The following CAMK2B variants were observed in gnomAD, a reference collection of about 807,000 sequenced individuals.
The protein encoded by CAMK2B is calcium/calmodulin dependent protein kinase II beta, also known as calcium/calmodulin-dependent protein kinase type II subunit beta.
A neutral mutation model predicts 93.7 loss-of-function variants in CAMK2B; 27 were observed. That is an observed-to-expected ratio of 0.29 (90% confidence interval 0.21 to 0.40). CAMK2B has a LOEUF of 0.40. CAMK2B is among the 10% of genes least tolerant of loss of function. The pLI, the probability that CAMK2B is intolerant of heterozygous loss-of-function variation, is 1.00. For synonymous variants in CAMK2B, 374 were observed against 358.8 expected (o/e 1.04, Z -0.48); for missense variants, 568 against 895.8 (o/e 0.63, Z 4.67).
At chr7:44,231,086 T>A in intron 16 of CAMK2B, 32 bp from the exon 17 acceptor site, 1 of 1,466,118 alleles carries the variant, frequency 6.8e-7, no homozygotes, top group Non-Finnish European at 9.1e-7. Context: ...CGGGTCAGGA[T>A]GCGGCCAAGG....
At chr7:44,275,099 C>T (rs906229613) in intron 2 of CAMK2B, among the ~76,000 whole-genome samples, 6 of 152,216 alleles carry the variant, frequency 3.9e-5, no homozygotes, top group African/African-American at 7.2e-5. Context: ...TGCGGAAGGA[C>T]GCAAAGGGGT....
At position 44,300,020 on chromosome 7, in the gene CAMK2B, C is replaced by CTGTGTCTGTGTGTG. The variant is rs71011968; in HGVS notation, c.66-15796_66-15795insCACACACAGACACA. Among the ~76,000 whole-genome samples the CTGTGTCTGTGTGTG allele has an allele frequency of 1.6e-3, 224 of 141,698 alleles. 1 individual carries two copies. Among genetic ancestry groups the CTGTGTCTGTGTGTG allele is most frequent in the South Asian group, 4.0e-3 (17 of 4,292 alleles). The allele number at this position is 141,698 out of a possible 152,430, so 93.0% of individuals were successfully genotyped here. On this transcript the variant is annotated intron_variant, in intron 1 of 23. Coordinates refer to ENST00000395749, the MANE Select transcript of CAMK2B (RefSeq NM_001220.5). Reference sequence around the variant, plus strand: ...TATATGTATGTATATGTGTATGTGTCTGTGTGTGTGTGTGTGTGTGTGTGT... The same window carrying CTGTGTCTGTGTGTG: ...TATATGTATGTATATGTGTATGTGTCTGTGTCTGTGTGTGTGTGTGTGTGTGTGTGTGTGTGTGT...
At chr7:44,260,274 C>T (rs2096868997) in intron 3 of CAMK2B, among the ~76,000 whole-genome samples, 1 of 152,240 alleles carries the variant, frequency 6.6e-6, no homozygotes, top group African/African-American at 2.4e-5. Flanking sequence ...CCTCCTCTGG[C>T]TCTGGTTCTC....
Position 44,240,718 on chromosome 7 carries a change from C to T in CAMK2B, c.935G>A (p.Arg312Gln). The T allele has an allele frequency of 1.2e-6, 2 of 1,613,958 alleles. No homozygotes were observed. Among genetic ancestry groups the T allele is most frequent in the African/African-American group, 1.3e-5 (1 of 75,052 alleles). ...GAILTTMLAT[R>Q]NFSVGRQTTA... ...GAAGAAAGGCTCACCTGAGAAATTC[C>T]GTGTGGCCAGCATGGTGGTGAGGAT... The change falls in exon 12 of 24, where the codon CGG (arginine) becomes CAG (glutamine). Residue 312 changes from arginine (R) to glutamine (Q), a missense_variant. Arg to Gln is a conservative substitution (Grantham distance 43). Coordinates refer to ENST00000395749, the MANE Select transcript of CAMK2B (RefSeq NM_001220.5).
chr7:44,223,672 A>C (rs1194626311), intron 20 of CAMK2B, among the ~76,000 whole-genome samples: 1 of 126,838 alleles, frequency 7.9e-6, no homozygotes, highest in Non-Finnish European at 1.6e-5. Context: ...TCATGCCTCC[A>C]CTTTCACCTG....
chr7:44,228,124 T>C (rs540172818), intron 19 of CAMK2B, among the ~76,000 whole-genome samples: 163 of 151,830 alleles, frequency 1.1e-3, no homozygotes, highest in African/African-American at 3.7e-3. Context: ...CAAGAAGCTG[T>C]CAGGTAAGTG....
Position 44,247,209 on chromosome 7 carries a change from G to T in CAMK2B, c.342-17C>A. On this transcript the variant is annotated splice_polypyrimidine_tract_variant and intron_variant, in intron 5 of 23. Transcript: ENST00000395749. ...ATACAGTGACTGTGGCAAACAGCAGGTGGGTTAGTGCGAGTGGCCCTGGGG... is the reference window on the plus strand; with the variant it reads ...ATACAGTGACTGTGGCAAACAGCAGTTGGGTTAGTGCGAGTGGCCCTGGGG... 1.2e-6 allele frequency: 2 copies of T among 1,612,722 alleles called. No individual in the cohort carries two copies. The highest frequency in any genetic ancestry group is 1.7e-6 in the Non-Finnish European group (2 of 1,178,796).
At chr7:44,269,123 C>T (rs914464989) in intron 2 of CAMK2B, among the ~76,000 whole-genome samples, 1 of 152,188 alleles carries the variant, frequency 6.6e-6, no homozygotes, top group Admixed American at 6.5e-5. Flanking sequence ...TCACACCAAC[C>T]CTGCTGCATC....
In CAMK2B at chr7:44,220,180, C is replaced by G; in HGVS notation, c.1883G>C (p.Gly628Ala). 1 of 1,612,828 alleles carries G rather than the reference C, an allele frequency of 6.2e-7. No homozygotes were observed. The highest frequency in any genetic ancestry group is 8.5e-7 in the Non-Finnish European group (1 of 1,179,950). ...AYIRLTQYID[G>A]QGRPRTSQSE... ...CTGGCTGGTGCGGGGCCGGCCCTGC[C>G]CGTCAATGTACTGCGTGAGCCGGAT... is the stretch of plus-strand genomic sequence containing the variant. Residue 628 changes from glycine to alanine, a missense_variant, in exon 23 of 24, where the codon GGG becomes GCG. Transcript: ENST00000395749.
At chr7:44,230,454 C>G (rs909935175) in intron 17 of CAMK2B, 2 of 154,012 alleles carry the variant, frequency 1.3e-5, no homozygotes, top group African/African-American at 2.4e-5. Context: ...TGGAGCATGC[C>G]CCAGTGCCTG....
At position 44,311,410 on chromosome 7, in the gene CAMK2B, A is replaced by G. The variant is rs772561190; in HGVS notation, c.65+13947T>C. 6.6e-6 allele frequency among the ~76,000 whole-genome samples: 1 copy of G among 152,236 alleles called. No homozygotes were observed. Among genetic ancestry groups the G allele is most frequent in the Non-Finnish European group, 1.5e-5 (1 of 68,046 alleles). Reference sequence around the variant, plus strand: ...TTTTAAGAAGAACTCCTTTATCACCATGTGGCAAATCAAATTCTTAACCTC... The same window carrying G: ...TTTTAAGAAGAACTCCTTTATCACCGTGTGGCAAATCAAATTCTTAACCTC... On this transcript the variant is annotated intron_variant, in intron 1 of 23. Coordinates refer to ENST00000395749, the MANE Select transcript of CAMK2B (RefSeq NM_001220.5). The surrounding 1 kb of genome is among the most constrained non-coding windows in gnomAD (Gnocchi z 4.2).
intron 2 of CAMK2B, among the ~76,000 whole-genome samples, chr7:44,266,657 G>A (rs545499801): frequency 6.6e-6 from 1 of 152,306 alleles, no homozygotes; most frequent in African/African-American, 2.4e-5. Context: ...CCTGTGGCGA[G>A]AACACAGCCG....
At position 44,275,578 on chromosome 7, in the gene CAMK2B, C is replaced by T. The variant is rs537275543; in HGVS notation, c.160+8553G>A. Among the ~76,000 whole-genome samples the T allele has an allele frequency of 6.6e-5, 10 of 152,286 alleles. No individual in the cohort carries two copies. In the East Asian group the frequency reaches 1.2e-3, roughly 18 times the overall value. On this transcript the variant is annotated intron_variant, in intron 2 of 23. Transcript: ENST00000395749. ...AATGACAAAGGACAAAATTTGTTTT[C>T]GGTATAAGTTTGTCTCAATTTCAGA...
At position 44,226,661 on chromosome 7, in the gene CAMK2B, G is replaced by A. The variant is rs781096371; in HGVS notation, c.1469-17C>T. Reference sequence around the variant, plus strand: ...TCCTGGGGGCTGGGGCGGAACAGACGAGACGTGAACACAAGGCAGGCACGG... The same window carrying A: ...TCCTGGGGGCTGGGGCGGAACAGACAAGACGTGAACACAAGGCAGGCACGG... On this transcript the variant is annotated splice_polypyrimidine_tract_variant and intron_variant, in intron 19 of 23. Coordinates refer to ENST00000395749, the MANE Select transcript of CAMK2B (RefSeq NM_001220.5). The A allele has an allele frequency of 9.8e-6, 15 of 1,528,962 alleles. No individual in the cohort carries two copies. In the East Asian group the frequency reaches 1.3e-4, roughly 13 times the overall value. 94.7% of individuals were successfully genotyped at this position (1,528,962 alleles called of 1,614,324 possible).
Position 44,247,126 on chromosome 7 carries a change from G to A in CAMK2B, c.408C>T (p.Asp136=). ...HCHQMGVVHR[D]LKPENLLLAS... The stretch of plus-strand genomic sequence containing the variant: ...GAGTGGGGTGGGGACTCACCTTGAG[G>A]TCTCTGTGGACGACCCCCATTTGGT... Residue 136 remains aspartate, a synonymous_variant, in exon 6 of 24, where the codon GAC becomes GAT. Transcript: ENST00000395749. The A allele has an allele frequency of 6.2e-7, 1 of 1,613,524 alleles. No homozygotes were observed. Among genetic ancestry groups the A allele is most frequent in the Non-Finnish European group, 8.5e-7 (1 of 1,179,482 alleles).
At chr7:44,263,107 A>G in intron 2 of CAMK2B, 43 bp from the exon 3 acceptor site, 1 of 1,585,780 alleles carries the variant, frequency 6.3e-7, no homozygotes, top group Non-Finnish European at 8.6e-7. Context: ...TGCGCCAGCA[A>G]CTGGTGGCCC....
At chr7:44,300,716 C>A (rs1789752525) in intron 1 of CAMK2B, among the ~76,000 whole-genome samples, 1 of 152,156 alleles carries the variant, frequency 6.6e-6, no homozygotes, top group Non-Finnish European at 1.5e-5. Flanking sequence ...CAGAAATGGA[C>A]AGATGCAGCA....
At chr7:44,302,445 T>C (rs756490264) in intron 1 of CAMK2B, among the ~76,000 whole-genome samples, 3 of 152,130 alleles carry the variant, frequency 2.0e-5, no homozygotes, top group Non-Finnish European at 2.9e-5. Flanking sequence ...AAGGACATTA[T>C]TTAAAGAAAA....
chr7:44,244,435 C>T (rs974103406), intron 6 of CAMK2B, among the ~76,000 whole-genome samples: 6 of 152,064 alleles, frequency 3.9e-5, no homozygotes, highest in African/African-American at 7.2e-5. Flanking sequence ...CATCTCCCAG[C>T]GGTGGGGTCT....
Sources: gnomAD v4.1 joint callset for allele counts (sites outside exome capture counted in the v4.1 genomes callset) on GRCh38, gnomAD v4.1.1 for gene constraint, Gnocchi (gnomAD v3.1) non-coding constraint, MANE v1.5 for transcripts, NCBI Gene and HGNC (gene_info 2026-07-23, HGNC 2026-07-21) for gene names.